RPRD1A: variants seen among roughly 807,000 people sequenced by gnomAD.
The protein encoded by RPRD1A is regulation of nuclear pre-mRNA domain containing 1A.
Under a neutral mutation model 37.8 loss-of-function variants are expected in RPRD1A, and 9 were observed. The observed-to-expected ratio is 0.24, with a 90% confidence interval of 0.14 to 0.42. The LOEUF (loss-of-function observed/expected upper bound fraction) is 0.42. RPRD1A is among the 10% of genes least tolerant of loss of function. RPRD1A has a pLI of 1.00. For missense variants in RPRD1A, 255 were observed against 371.0 expected (o/e 0.69, Z 2.57); for synonymous variants, 138 against 139.7 (o/e 0.99, Z 0.08).
chr18:36,058,831 C>T (rs937920343), intron 1 of RPRD1A, among the ~76,000 whole-genome samples: 9 of 152,164 alleles, frequency 5.9e-5, no homozygotes, highest in African/African-American at 2.2e-4. Context: ...CACTCTCATT[C>T]TCTCACAAGC....
chr18:36,019,102 ATTTTTTTTTTTT>A (rs946306446), intron 6 of RPRD1A, among the ~76,000 whole-genome samples: 1 of 118,548 alleles, frequency 8.4e-6, no homozygotes, highest in African/African-American at 3.3e-5. Flanking sequence ...GGGACCATTG[ATTTTTTTTTTTT>A]TTTTTTTTTT....
chr18:36,036,404 T>G (rs1047346966), intron 1 of RPRD1A, among the ~76,000 whole-genome samples: 4 of 152,104 alleles, frequency 2.6e-5, no homozygotes, highest in Non-Finnish European at 5.9e-5. Context: ...ATGGGTTATA[T>G]CAATCTCTCA....
At chr18:36,007,221 A>G (rs937301858) in intron 6 of RPRD1A, among the ~76,000 whole-genome samples, 9 of 152,208 alleles carry the variant, frequency 5.9e-5, no homozygotes, top group Non-Finnish European at 5.9e-5. Flanking sequence ...TTAATCCTGA[A>G]TGGCTTTTTT....
Position 35,993,409 on chromosome 18 carries a change from TA to T in RPRD1A, c.790-110del, listed in dbSNP as rs1908830728. ...ATATATACTCAGTTAATGCCATATT[TA>T]AAAAGGTTATTCCAGTGTGAGTTTT... On this transcript the variant is annotated intron_variant, in intron 6 of 6. Transcript: ENST00000399022. 3.8e-6 allele frequency: 4 copies of T among 1,048,514 alleles called. No homozygotes were observed. The South Asian group carries it at 7.1e-5, about 19-fold the overall frequency. 65.0% of individuals were successfully genotyped at this position (1,048,514 alleles called of 1,614,324 possible). A position where few individuals can be genotyped will look rare whatever the true frequency, so the allele number is the denominator to read the frequency against.
intron 1 of RPRD1A, among the ~76,000 whole-genome samples, chr18:36,057,457 A>G (rs2144405924): frequency 6.6e-6 from 1 of 152,110 alleles, no homozygotes; most frequent in East Asian, 1.9e-4. Context: ...AAATACAAAA[A>G]AAATTATTAG....
intron 1 of RPRD1A, among the ~76,000 whole-genome samples, chr18:36,034,390 T>C (rs897736797): frequency 1.3e-5 from 2 of 152,160 alleles, no homozygotes; most frequent in Non-Finnish European, 2.9e-5. Flanking sequence ...TGGCCATAAA[T>C]TTTAAACTGA....
At chr18:36,019,433 T>G (rs2144240402) in intron 6 of RPRD1A, among the ~76,000 whole-genome samples, 1 of 152,100 alleles carries the variant, frequency 6.6e-6, no homozygotes, top group South Asian at 2.1e-4. Flanking sequence ...AAGAGGAGTG[T>G]GATGGGATCT....
chr18:36,004,260 T>C (rs574044406), intron 6 of RPRD1A, among the ~76,000 whole-genome samples: 1 of 149,474 alleles, frequency 6.7e-6, no homozygotes, highest in South Asian at 2.1e-4. Context: ...TCCAATCTTA[T>C]TTTCTTTTTT....
chr18:35,995,123 T>A (rs115649951), intron 6 of RPRD1A, among the ~76,000 whole-genome samples: 1 of 152,152 alleles, frequency 6.6e-6, no homozygotes, highest in African/African-American at 2.4e-5. Flanking sequence ...GAAGTGAGCA[T>A]GTATTTGGAA....
chr18:36,066,476 A>T lies in RPRD1A; in HGVS notation c.151+778T>A, dbSNP rs528005291. 4.6e-5 allele frequency among the ~76,000 whole-genome samples: 7 copies of T among 152,350 alleles called. No homozygotes were observed. In the South Asian group the frequency reaches 1.0e-3, roughly 23 times the overall value. On this transcript the variant is annotated intron_variant, in intron 1 of 6. Coordinates refer to ENST00000399022, the MANE Select transcript of RPRD1A (RefSeq NM_018170.5). ...TACAAGCTCAGACTAAGCAAATGAAATTTTTTATTTTCAGTCGCACTAGGA... is the reference window on the plus strand; with the variant it reads ...TACAAGCTCAGACTAAGCAAATGAATTTTTTTATTTTCAGTCGCACTAGGA...
rs527728821 is a variant in RPRD1A, at chr18:36,008,129, G to A, written c.790-14829C>T. Among the ~76,000 whole-genome samples, 5 of 152,010 alleles carry A rather than the reference G, an allele frequency of 3.3e-5. No homozygotes were observed. In the South Asian group the frequency reaches 1.0e-3, roughly 32 times the overall value. Reference sequence around the variant, plus strand: ...CCTAAACTTCCCAACTTGATGACCAGTTCCTCTTAACTACTAAAGTTACTT... The same window carrying A: ...CCTAAACTTCCCAACTTGATGACCAATTCCTCTTAACTACTAAAGTTACTT... On this transcript the variant is annotated intron_variant, in intron 6 of 6. Coordinates refer to ENST00000399022, the MANE Select transcript of RPRD1A (RefSeq NM_018170.5).
In RPRD1A at chr18:35,993,124, C is replaced by T. The variant is rs768698377; in HGVS notation, c.*27G>A. On this transcript the variant is annotated 3_prime_UTR_variant, in exon 7 of 7. Transcript: ENST00000399022. ...AACCTGTCTCCATCTCTTGCAAAGTCCTGGGACCTGGAAAGAGGCTGGTCC... is the reference window on the plus strand; with the variant it reads ...AACCTGTCTCCATCTCTTGCAAAGTTCTGGGACCTGGAAAGAGGCTGGTCC... 6.2e-7 allele frequency: 1 copy of T among 1,608,862 alleles called. No homozygotes were observed. Among genetic ancestry groups the T allele is most frequent in the Non-Finnish European group, 8.5e-7 (1 of 1,177,160 alleles).
intron 1 of RPRD1A, among the ~76,000 whole-genome samples, chr18:36,056,328 C>T (rs536276022): frequency 5.3e-5 from 8 of 151,660 alleles, no homozygotes; most frequent in African/African-American, 1.9e-4. Flanking sequence ...TGCTTTGTCT[C>T]CCAGGCTAGA....
At chr18:36,020,606 TAAGAA>T (rs1490780264) in intron 6 of RPRD1A, among the ~76,000 whole-genome samples, 2 of 152,028 alleles carry the variant, frequency 1.3e-5, no homozygotes, top group African/African-American at 4.8e-5. Context: ...GAAATTCTGT[TAAGAA>T]TAGAAAAGCA....
chr18:36,038,076 G>C (rs1912323294), intron 1 of RPRD1A, among the ~76,000 whole-genome samples: 1 of 152,198 alleles, frequency 6.6e-6, no homozygotes, highest in Non-Finnish European at 1.5e-5. Context: ...GGATACAACA[G>C]AAAAGAAAAC....
chr18:36,040,910 G>C (rs527747626), intron 1 of RPRD1A: 5 of 1,102,726 alleles, frequency 4.5e-6, no homozygotes, highest in Non-Finnish European at 6.4e-6. Context: ...ACACCTTCTA[G>C]AATTAAATAG....
At chr18:36,059,630 T>G (rs1376900741) in intron 1 of RPRD1A, among the ~76,000 whole-genome samples, 1 of 152,120 alleles carries the variant, frequency 6.6e-6, no homozygotes, top group Non-Finnish European at 1.5e-5. Flanking sequence ...AACCAGAAAG[T>G]AGGAGAAATT....
intron 6 of RPRD1A, among the ~76,000 whole-genome samples, chr18:36,021,530 C>T (rs1910994447): frequency 6.6e-6 from 1 of 152,158 alleles, no homozygotes. Context: ...ACCATGGCCT[C>T]TAAATGTTCA....
chr18:36,036,703 A>C (rs1164835777), intron 1 of RPRD1A, among the ~76,000 whole-genome samples: 2 of 152,236 alleles, frequency 1.3e-5, no homozygotes, highest in Non-Finnish European at 2.9e-5. Flanking sequence ...TAATGGCGGT[A>C]ATCACAGCAA....
Sources: gnomAD v4.1 joint callset for allele counts (sites outside exome capture counted in the v4.1 genomes callset) on GRCh38, gnomAD v4.1.1 for gene constraint, MANE v1.5 for transcripts, NCBI Gene and HGNC (gene_info 2026-07-23, HGNC 2026-07-21) for gene names.